The following RAD50 variants were observed in gnomAD, a reference collection of about 807,000 sequenced individuals.
The protein encoded by RAD50 is RAD50 double strand break repair protein.
Under a neutral mutation model 168.8 loss-of-function variants are expected in RAD50, and 132 were observed. The observed-to-expected ratio is 0.78, with a 90% CI of 0.68 to 0.90. The LOEUF (loss-of-function observed/expected upper bound fraction) is 0.90. Among genes scored for constraint, RAD50 ranks in the 40% least tolerant of loss-of-function variants. RAD50 has a pLI of 0.00. For synonymous variants in RAD50, 525 were observed against 497.4 expected, an observed-to-expected ratio of 1.06 and a Z score of -0.74; for missense variants, 1,347 against 1,534.4, an observed-to-expected ratio of 0.88 and a Z score of 2.04.
At chr5:132,613,696 C>T (rs1047618602) in intron 19 of RAD50, among the ~76,000 whole-genome samples, 15 of 151,142 alleles carry the variant, frequency 9.9e-5, no homozygotes, top group African/African-American at 2.9e-4. Flanking sequence ...ATTCGCCTCC[C>T]GGGTTCAAGT....
At chr5:132,582,708 A>C (rs1750523932) in intron 5 of RAD50, among the ~76,000 whole-genome samples, 1 of 152,146 alleles carries the variant, frequency 6.6e-6, no homozygotes, top group Non-Finnish European at 1.5e-5. Flanking sequence ...ACACAAGTTC[A>C]TGGTCCTTCT....
chr5:132,592,585 ACT>A (rs1750722346), intron 11 of RAD50, among the ~76,000 whole-genome samples: 1 of 152,092 alleles, frequency 6.6e-6, no homozygotes, highest in African/African-American at 2.4e-5. Context: ...TTCTCAGAAC[ACT>A]CTCATAATAA....
Position 132,588,066 on chromosome 5 carries a change from A to G in RAD50, c.1028A>G (p.Lys343Arg). The stretch of plus-strand genomic sequence containing the variant: ...GAATCTAGGCTTCTCAATCAGGAAA[A>G]ATCAGAACTGCTTGTTGAACAGGGT... ...NKESRLLNQE[K>R]SELLVEQGRL... The change falls in exon 7 of 25, where the codon AAA becomes AGA. Residue 343 changes from lysine (K) to arginine (R), a missense_variant. Coordinates refer to ENST00000378823, the MANE Select transcript of RAD50 (RefSeq NM_005732.4). 6.2e-7 allele frequency: 1 copy of G among 1,612,850 alleles called. No individual in the cohort carries two copies. The highest frequency in any genetic ancestry group is 8.5e-7 in the Non-Finnish European group (1 of 1,179,006).
At chr5:132,609,494 G>T in intron 19 of RAD50, 98 bp downstream of exon 19, 1 of 1,537,428 alleles carries the variant, frequency 6.5e-7, no homozygotes, top group South Asian at 1.2e-5. Context: ...ATGCAAAAAG[G>T]AAAGAGGCCA....
chr5:132,637,339 T>C, intron 22 of RAD50, 139 bp downstream of exon 22: 3 of 1,454,398 alleles, frequency 2.1e-6, no homozygotes, highest in South Asian at 1.2e-5. Context: ...AGAATTCTTA[T>C]CTTGGCAACA....
chr5:132,594,806 C>A, intron 11 of RAD50, 63 bp from the exon 12 acceptor site: 1 of 1,497,670 alleles, frequency 6.7e-7, no homozygotes, highest in Non-Finnish European at 9.3e-7. Context: ...TTTTTGCCTA[C>A]TCAAATTTTC....
Position 132,642,305 on chromosome 5 carries a change from G to T in RAD50, c.3880G>T (p.Asp1294Tyr). 1.2e-6 allele frequency: 2 copies of T among 1,613,924 alleles called. No homozygotes were observed. The highest frequency in any genetic ancestry group is 1.7e-6 in the Non-Finnish European group (2 of 1,179,892). The change falls in exon 25 of 25, where the codon GAT (aspartate) becomes TAT (tyrosine). Residue 1294 changes from aspartate to tyrosine, a missense_variant. Physicochemically the swap from Asp to Tyr is radical, Grantham distance 160. This residue lies in a region of RAD50 where 635 missense variants were observed against 739.2 expected (regional missense o/e 0.86). Coordinates refer to ENST00000378823, the MANE Select transcript of RAD50 (RefSeq NM_005732.4). ...ATTCTACAGGATTAAAAAGAACATCGATCAGTGCTCAGAGATTGTGAAATG... is the reference window on the plus strand; with the variant it reads ...ATTCTACAGGATTAAAAAGAACATCTATCAGTGCTCAGAGATTGTGAAATG... The part of the protein sequence containing the change: ...EKFYRIKKNI[D>Y]QCSEIVKCSV...
At chr5:132,583,798 A>G (rs1200672827) in intron 5 of RAD50, among the ~76,000 whole-genome samples, 2 of 150,896 alleles carry the variant, frequency 1.3e-5, no homozygotes, top group Non-Finnish European at 2.9e-5. Flanking sequence ...GGTTCAAGCA[A>G]TTCTCCTACC....
Position 132,579,996 on chromosome 5 carries a change from G to C in RAD50, c.686G>C (p.Ser229Thr), listed in dbSNP as rs751781524. Reference protein sequence around the residue: ...KACEIRDQITSKEAQLTSSKE... With the variant: ...KACEIRDQITTKEAQLTSSKE... The stretch of plus-strand genomic sequence containing the variant: ...TGTGAGATTCGTGATCAGATTACAA[G>C]TAAGGAAGCCCAGTTAACATCTTCA... Residue 229 changes from serine (S) to threonine (T), a missense_variant, in exon 5 of 25, where the codon AGT becomes ACT. Ser to Thr is a moderately conservative substitution (Grantham distance 58). Around this residue, in one of 3 missense-constraint regions of RAD50, gnomAD observed 703 missense variants for 767.7 expected, o/e 0.92. Transcript: ENST00000378823. 6.2e-7 allele frequency: 1 copy of C among 1,613,386 alleles called. No individual in the cohort carries two copies. The highest frequency in any genetic ancestry group is 2.2e-5 in the East Asian group (1 of 44,814).
intron 2 of RAD50, among the ~76,000 whole-genome samples, chr5:132,570,542 T>C (rs1458742819): frequency 6.6e-6 from 1 of 152,244 alleles, no homozygotes; most frequent in African/African-American, 2.4e-5. Flanking sequence ...GACAGCTTCT[T>C]TCTTTAAGCC....
intron 19 of RAD50, among the ~76,000 whole-genome samples, chr5:132,611,525 G>A (rs1751086294): frequency 2.0e-5 from 3 of 151,346 alleles, no homozygotes; most frequent in East Asian, 1.9e-4. Flanking sequence ...CTAACACGCC[G>A]AAACCCCGTC....
At position 132,642,404 on chromosome 5, in the gene RAD50, C is replaced by A; in HGVS notation, c.*40C>A. On this transcript the variant is annotated 3_prime_UTR_variant, in exon 25 of 25. Coordinates refer to ENST00000378823, the MANE Select transcript of RAD50 (RefSeq NM_005732.4). ...TAAATGCCATAGAAATGTAGGTCCTCAGAAAGTGTATAATAAGAAACTTAT... is the reference window on the plus strand; with the variant it reads ...TAAATGCCATAGAAATGTAGGTCCTAAGAAAGTGTATAATAAGAAACTTAT... 6.5e-7 allele frequency: 1 copy of A among 1,541,034 alleles called. No homozygotes were observed. The highest frequency in any genetic ancestry group is 1.1e-5 in the South Asian group (1 of 88,240).
At chr5:132,625,806 C>T (rs1751363715) in intron 21 of RAD50, among the ~76,000 whole-genome samples, 1 of 152,188 alleles carries the variant, frequency 6.6e-6, no homozygotes, top group African/African-American at 2.4e-5. Context: ...GCTTATTTCA[C>T]CTAACATAAT....
chr5:132,596,556 C>T (rs1253355514), intron 13 of RAD50, among the ~76,000 whole-genome samples: 2 of 152,126 alleles, frequency 1.3e-5, no homozygotes. Context: ...TTATATTTTC[C>T]ATCACTTATA....
intron 2 of RAD50, among the ~76,000 whole-genome samples, chr5:132,562,223 A>T (rs1750135829): frequency 6.6e-6 from 1 of 152,180 alleles, no homozygotes; most frequent in Admixed American, 6.5e-5. Flanking sequence ...TTAAATAGGA[A>T]TCTGTCTATT....
At chr5:132,584,918 G>C (rs886453636) in intron 5 of RAD50, among the ~76,000 whole-genome samples, 2 of 140,224 alleles carry the variant, frequency 1.4e-5, no homozygotes, top group Non-Finnish European at 3.0e-5. Context: ...ACAGACACAG[G>C]AAGGGGAACA....
intron 10 of RAD50, 141 bp downstream of exon 10, chr5:132,591,547 T>C: frequency 1.2e-6 from 1 of 828,468 alleles, no homozygotes; most frequent in Admixed American, 2.8e-5. Context: ...CTCTATATAA[T>C]AGACTTTCAA....
At chr5:132,621,610 T>C (rs73261607) in intron 21 of RAD50, among the ~76,000 whole-genome samples, 2,453 of 152,338 alleles carry the variant, frequency 0.016, 70 homozygotes, top group African/African-American at 0.055. Context: ...GAGAAGTTTT[T>C]CCCCTTAATT....
intron 19 of RAD50, among the ~76,000 whole-genome samples, 199 bp from the exon 20 acceptor site, chr5:132,615,804 T>G (rs987968966): frequency 2.2e-4 from 34 of 152,214 alleles, no homozygotes; most frequent in Admixed American, 3.9e-4. Flanking sequence ...GGTATTACAC[T>G]TGTCACTGTG....
Sources: gnomAD v4.1 joint callset for allele counts (sites outside exome capture counted in the v4.1 genomes callset) on GRCh38, gnomAD v4.1.1 for gene constraint, gnomAD v4.1.1 regional missense constraint, MANE v1.5 for transcripts, NCBI Gene and HGNC (gene_info 2026-07-23, HGNC 2026-07-21) for gene names.